The following PDZRN4 variants were observed in gnomAD, a reference collection of about 807,000 sequenced individuals.
PDZRN4 encodes PDZ domain-containing RING finger protein 4.
PDZRN4 carries 70 observed loss-of-function variants against 99.0 expected under a neutral mutation model. The observed-to-expected ratio is 0.71, with a 90% CI of 0.58 to 0.86. The LOEUF is 0.86. Ranked by LOEUF, PDZRN4 falls within the 40% of genes least tolerant of loss-of-function variation. The pLI is 0.00. For missense variants in PDZRN4, 1,474 were observed against 1,331.2 expected (o/e 1.11, Z -1.67); for synonymous variants, 551 against 501.6 (o/e 1.10, Z -1.32).
At chr12:41,490,585 G>T (rs942944642) in intron 3 of PDZRN4, among the ~76,000 whole-genome samples, 12 of 151,992 alleles carry the variant, frequency 7.9e-5, no homozygotes, top group Non-Finnish European at 1.6e-4. Context: ...ATATATTATA[G>T]TATGTTTTAT....
At chr12:41,352,505 C>A (rs1052867102) in intron 3 of PDZRN4, among the ~76,000 whole-genome samples, 1 of 152,032 alleles carries the variant, frequency 6.6e-6, no homozygotes, top group Non-Finnish European at 1.5e-5. Flanking sequence ...GTTGTCAATT[C>A]TTTCACTCTA....
At chr12:41,492,547 A>G (rs1308081718) in intron 3 of PDZRN4, among the ~76,000 whole-genome samples, 1 of 152,052 alleles carries the variant, frequency 6.6e-6, no homozygotes, top group African/African-American at 2.4e-5. Flanking sequence ...CCAGGTTGTA[A>G]GAGTTGAAAA....
At chr12:41,433,016 G>A (rs1952598086) in intron 3 of PDZRN4, among the ~76,000 whole-genome samples, 1 of 152,182 alleles carries the variant, frequency 6.6e-6, no homozygotes, top group Non-Finnish European at 1.5e-5. Context: ...TCATCCTAGT[G>A]TGTGTTCAGG....
At chr12:41,559,254 G>A (rs574753500) in intron 7 of PDZRN4, among the ~76,000 whole-genome samples, 1 of 152,116 alleles carries the variant, frequency 6.6e-6, no homozygotes, top group African/African-American at 2.4e-5. Flanking sequence ...TTGTGCAGAA[G>A]AGAAACCAGG....
intron 3 of PDZRN4, among the ~76,000 whole-genome samples, chr12:41,270,678 A>G (rs2120858383): frequency 6.6e-6 from 1 of 152,264 alleles, no homozygotes; most frequent in African/African-American, 2.4e-5. Flanking sequence ...TTTTGTAGTA[A>G]CTATTTCTTG....
At chr12:41,494,225 G>A (rs1026836697) in intron 3 of PDZRN4, among the ~76,000 whole-genome samples, 16 of 152,052 alleles carry the variant, frequency 1.1e-4, no homozygotes, top group East Asian at 3.9e-4. Context: ...CAATCATCTC[G>A]TTCAAGTTTT....
intron 3 of PDZRN4, among the ~76,000 whole-genome samples, chr12:41,456,374 T>C (rs1202062594): frequency 2.0e-5 from 3 of 151,956 alleles, no homozygotes; most frequent in African/African-American, 4.8e-5. Flanking sequence ...ATTATAAACA[T>C]TTTTCACTGC....
At chr12:41,446,683 G>T (rs1952731365) in intron 3 of PDZRN4, among the ~76,000 whole-genome samples, 1 of 151,990 alleles carries the variant, frequency 6.6e-6, no homozygotes, top group African/African-American at 2.4e-5. Flanking sequence ...TCTTCCAGGA[G>T]TGTATCATGA....
chr12:41,279,592 T>A (rs1345980740), intron 3 of PDZRN4, among the ~76,000 whole-genome samples: 1 of 152,212 alleles, frequency 6.6e-6, no homozygotes, highest in Non-Finnish European at 1.5e-5. Context: ...AATAAGTCTC[T>A]GTGTCCTCAG....
chr12:41,565,519 GT>G (rs11342815), intron 8 of PDZRN4, among the ~76,000 whole-genome samples: 59,843 of 145,826 alleles, frequency 0.41, 15,136 homozygotes, highest in African/African-American at 0.71. Context: ...ATTGTTGTAT[GT>G]TTTTTTTTTG....
intron 3 of PDZRN4, among the ~76,000 whole-genome samples, chr12:41,376,793 G>C (rs1399955915): frequency 6.6e-6 from 1 of 152,082 alleles, no homozygotes; most frequent in African/African-American, 2.4e-5. Context: ...TCTCCAAAAA[G>C]TCATTGCCAA....
chr12:41,381,378 A>C (rs1305707258), intron 3 of PDZRN4, among the ~76,000 whole-genome samples: 1 of 149,978 alleles, frequency 6.7e-6, no homozygotes. Flanking sequence ...GTTTTGCTTG[A>C]TGGTATGCCT....
intron 3 of PDZRN4, among the ~76,000 whole-genome samples, chr12:41,382,362 G>T (rs922653824): frequency 6.6e-6 from 1 of 152,098 alleles, no homozygotes; most frequent in Non-Finnish European, 1.5e-5. Context: ...GTTTCCCTGC[G>T]CTGTGCATGT....
chr12:41,364,108 A>C (rs1951981065), intron 3 of PDZRN4, among the ~76,000 whole-genome samples: 1 of 152,120 alleles, frequency 6.6e-6, no homozygotes, highest in South Asian at 2.1e-4. Context: ...CCCTCTGACA[A>C]GGATAAGGCA....
At chr12:41,282,846 C>T (rs560785795) in intron 3 of PDZRN4, among the ~76,000 whole-genome samples, 1 of 152,268 alleles carries the variant, frequency 6.6e-6, no homozygotes, top group South Asian at 2.1e-4. Context: ...ACACAATGTA[C>T]CAGAATCTCT....
chr12:41,313,942 G>T (rs1951623140), intron 3 of PDZRN4, among the ~76,000 whole-genome samples: 1 of 152,170 alleles, frequency 6.6e-6, no homozygotes, highest in Admixed American at 6.5e-5. Context: ...TATAAACTGA[G>T]AGTAATGGGC....
intron 3 of PDZRN4, among the ~76,000 whole-genome samples, chr12:41,461,171 T>C (rs942875047): frequency 4.0e-5 from 6 of 151,760 alleles, no homozygotes; most frequent in Non-Finnish European, 7.4e-5. Flanking sequence ...AGCAACAGCA[T>C]AAAACAACCA....
At chr12:41,272,048 C>T (rs925785586) in intron 3 of PDZRN4, among the ~76,000 whole-genome samples, 1 of 105,622 alleles carries the variant, frequency 9.5e-6, no homozygotes, top group Non-Finnish European at 1.9e-5. Context: ...CCTTTCTCTA[C>T]CAAATAGAGT....
intron 3 of PDZRN4, among the ~76,000 whole-genome samples, chr12:41,284,132 C>A (rs933790908): frequency 2.0e-5 from 3 of 152,184 alleles, no homozygotes; most frequent in Admixed American, 1.3e-4. Context: ...CCCCAAAACT[C>A]CTTAAGCTGA....
Sources: gnomAD v4.1 joint callset for allele counts (sites outside exome capture counted in the v4.1 genomes callset) on GRCh38, gnomAD v4.1.1 for gene constraint, MANE v1.5 for transcripts, NCBI Gene and HGNC (gene_info 2026-07-23, HGNC 2026-07-21) for gene names.